Variants in H4C3 observed in about 807,000 individuals in gnomAD.
The protein encoded by H4C3 is H4 clustered histone 3, also known as histone H4.
A neutral mutation model predicts 5.3 loss-of-function variants in H4C3; 10 were observed. The observed-to-expected ratio is 1.87, with a 90% CI of 1.16 to 3.18. H4C3 has a LOEUF of 3.18. Among genes scored for constraint, H4C3 ranks in the 30% most tolerant of loss-of-function variants. The pLI, the probability that H4C3 is intolerant of heterozygous loss-of-function variation, is 0.00. For synonymous variants in H4C3, 133 were observed against 56.8 expected (o/e 2.34, Z -6.03); for missense variants, 191 against 152.5 (o/e 1.25, Z -1.33).
In H4C3 at chr6:26,104,005, C is replaced by T. The variant is rs373426362; in HGVS notation, c.58C>T (p.Arg20Cys). ...GLGKGGAKRH[R>C]KVLRDNIQGI... The stretch of plus-strand genomic sequence containing the variant: ...GGGGAAGGGTGGTGCTAAGCGCCAT[C>T]GTAAGGTGCTCCGGGATAACATCCA... The change falls in exon 1 of 1, where the codon CGT becomes TGT. Residue 20 changes from arginine (R) to cysteine (C), a missense_variant. Physicochemically the swap from Arg to Cys is radical, Grantham distance 180 (BLOSUM62 -3). Transcript: ENST00000377803. 2.5e-6 allele frequency: 4 copies of T among 1,614,162 alleles called. No individual in the cohort carries two copies. Among genetic ancestry groups the T allele is most frequent in the South Asian group, 1.1e-5 (1 of 91,084 alleles).
At position 26,103,984 on chromosome 6, in the gene H4C3, A is replaced by T. The variant is rs1203029659; in HGVS notation, c.37A>T (p.Lys13Ter). 2 of 1,612,380 alleles carry T rather than the reference A, an allele frequency of 1.2e-6. No individual in the cohort carries two copies. The highest frequency in any genetic ancestry group is 1.7e-5 in the Admixed American group (1 of 59,966). The change falls in exon 1 of 1, where the codon AAG (lysine) becomes TAG (stop). Residue 13 changes from lysine to a stop codon, truncating the protein, a stop_gained. Coordinates refer to ENST00000377803, the MANE Select transcript of H4C3 (RefSeq NM_003542.4). LOFTEE classifies it high-confidence loss of function. ...CGGCAAAGGCGGAAAAGGCTTGGGGAAGGGTGGTGCTAAGCGCCATCGTAA... is the reference window on the plus strand; with the variant it reads ...CGGCAAAGGCGGAAAAGGCTTGGGGTAGGGTGGTGCTAAGCGCCATCGTAA... ...GRGKGGKGLG[K>*]GGAKRHRKVL...
At position 26,103,989 on chromosome 6, in the gene H4C3, T is replaced by G. The variant is rs147057053; in HGVS notation, c.42T>G (p.Gly14=). Residue 14 remains glycine (G), a synonymous_variant, in exon 1 of 1, where the codon GGT becomes GGG. Coordinates refer to ENST00000377803, the MANE Select transcript of H4C3 (RefSeq NM_003542.4). ...RGKGGKGLGK[G]GAKRHRKVLR... Reference sequence around the variant, plus strand: ...AAGGCGGAAAAGGCTTGGGGAAGGGTGGTGCTAAGCGCCATCGTAAGGTGC... The same window carrying G: ...AAGGCGGAAAAGGCTTGGGGAAGGGGGGTGCTAAGCGCCATCGTAAGGTGC... The G allele has an allele frequency of 2.5e-6, 4 of 1,612,886 alleles. No homozygotes were observed. Among genetic ancestry groups the G allele is most frequent in the Non-Finnish European group, 3.4e-6 (4 of 1,179,172 alleles).
chr6:26,104,146 A>C lies in H4C3; in HGVS notation c.199A>C (p.Ile67Leu). ...GVLKVFLENV[I>L]RDAVTYTEHA... ...GCTTAAGGTTTTCTTAGAGAACGTT[A>C]TTCGAGACGCCGTCACCTATACGGA... is the stretch of plus-strand genomic sequence containing the variant. The change falls in exon 1 of 1, where the codon ATT becomes CTT. Residue 67 changes from isoleucine (I) to leucine (L), a missense_variant. Transcript: ENST00000377803. 6.2e-7 allele frequency: 1 copy of C among 1,614,176 alleles called. No individual in the cohort carries two copies. The highest frequency in any genetic ancestry group is 8.5e-7 in the Non-Finnish European group (1 of 1,180,036).
In H4C3 at chr6:26,104,271, C is replaced by T. The variant is rs1237483831; in HGVS notation, c.*12C>T. 4.4e-6 allele frequency: 7 copies of T among 1,578,848 alleles called. No individual in the cohort carries two copies. Among genetic ancestry groups the T allele is most frequent in the South Asian group, 2.3e-5 (2 of 87,748 alleles). ...GCTTCGGCGGCTGAATCTAAGAATA[C>T]GCGGTCTCCTGAGAACTTCAAAAAA... is the stretch of plus-strand genomic sequence containing the variant. On this transcript the variant is annotated 3_prime_UTR_variant, in exon 1 of 1. Transcript: ENST00000377803.
rs1763199609 is a variant in H4C3, at chr6:26,104,211, AT to A, written c.265del (p.Tyr89MetfsTer3). On this transcript the variant is annotated frameshift_variant, in exon 1 of 1. Coordinates refer to ENST00000377803, the MANE Select transcript of H4C3 (RefSeq NM_003542.4). LOFTEE classifies it high-confidence loss of function. ...AAACTGTCACAGCCATGGATGTAGT[AT>A]ATGCCCTAAAACGTCAGGGGCGCAC... ...RKTVTAMDVV[Y>X]ALKRQGRTLY... The A allele has an allele frequency of 6.2e-7, 1 of 1,612,610 alleles. No individual in the cohort carries two copies. The highest frequency in any genetic ancestry group is 1.1e-5 in the South Asian group (1 of 91,074).
chr6:26,104,229 G>C lies in H4C3; in HGVS notation c.282G>C (p.Gln94His). Residue 94 changes from glutamine to histidine, a missense_variant, in exon 1 of 1, where the codon CAG becomes CAC. Coordinates refer to ENST00000377803, the MANE Select transcript of H4C3 (RefSeq NM_003542.4). The stretch of plus-strand genomic sequence containing the variant: ...ATGTAGTATATGCCCTAAAACGTCA[G>C]GGGCGCACTCTGTATGGCTTCGGCG... The part of the protein sequence containing the change: ...AMDVVYALKR[Q>H]GRTLYGFGG 6.2e-7 allele frequency: 1 copy of C among 1,607,628 alleles called. No individual in the cohort carries two copies. Among genetic ancestry groups the C allele is most frequent in the Non-Finnish European group, 8.5e-7 (1 of 1,174,490 alleles).
Position 26,103,974 on chromosome 6 carries a change from A to G in H4C3, c.27A>G (p.Lys9=), listed in dbSNP as rs750016056. The G allele has an allele frequency of 5.5e-5, 88 of 1,608,980 alleles. 1 individual carries two copies. Among genetic ancestry groups the G allele is most frequent in the Non-Finnish European group, 7.4e-5 (87 of 1,175,968 alleles). Residue 9 remains lysine (K), a synonymous_variant, in exon 1 of 1, where the codon AAA becomes AAG. Transcript: ENST00000377803. MSGRGKGG[K]GLGKGGAKRH... Reference sequence around the variant, plus strand: ...TGTCTGGTCGCGGCAAAGGCGGAAAAGGCTTGGGGAAGGGTGGTGCTAAGC... The same window carrying G: ...TGTCTGGTCGCGGCAAAGGCGGAAAGGGCTTGGGGAAGGGTGGTGCTAAGC...
chr6:26,104,294 A>C lies in H4C3; in HGVS notation c.*35A>C. ...TACGCGGTCTCCTGAGAACTTCAAA[A>C]AACAAAAACAAAAAAACCCAAAGGC... On this transcript the variant is annotated 3_prime_UTR_variant, in exon 1 of 1. Coordinates refer to ENST00000377803, the MANE Select transcript of H4C3 (RefSeq NM_003542.4). 2 of 1,528,928 alleles carry C rather than the reference A, an allele frequency of 1.3e-6. No homozygotes were observed. Among genetic ancestry groups the C allele is most frequent in the South Asian group, 2.6e-5 (2 of 78,156 alleles). The allele number at this position is 1,528,928 out of a possible 1,614,324, so 94.7% of individuals were successfully genotyped here.
rs772431822 is a variant in H4C3, at chr6:26,104,070, C to T, written c.123C>T (p.Arg41=). ...CGGCTATTCGCCGTTTGGCTCGGCG[C>T]GGTGGCGTCAAGCGCATTTCCGGTC... ...TKPAIRRLAR[R]GGVKRISGLI... is the part of the protein sequence containing the mutation. Residue 41 remains arginine (R), a synonymous_variant, in exon 1 of 1, where the codon CGC becomes CGT. Transcript: ENST00000377803. 2 of 1,614,180 alleles carry T rather than the reference C, an allele frequency of 1.2e-6. No individual in the cohort carries two copies. Among genetic ancestry groups the T allele is most frequent in the Non-Finnish European group, 8.5e-7 (1 of 1,180,048 alleles).
At position 26,104,149 on chromosome 6, in the gene H4C3, C is replaced by G. The variant is rs755011404; in HGVS notation, c.202C>G (p.Arg68Gly). The G allele has an allele frequency of 6.2e-7, 1 of 1,614,048 alleles. No homozygotes were observed. The highest frequency in any genetic ancestry group is 8.5e-7 in the Non-Finnish European group (1 of 1,179,996). ...TAAGGTTTTCTTAGAGAACGTTATTCGAGACGCCGTCACCTATACGGAGCA... is the reference window on the plus strand; with the variant it reads ...TAAGGTTTTCTTAGAGAACGTTATTGGAGACGCCGTCACCTATACGGAGCA... ...VLKVFLENVI[R>G]DAVTYTEHAK... The change falls in exon 1 of 1, where the codon CGA becomes GGA. Residue 68 changes from arginine (R) to glycine (G), a missense_variant. By Grantham distance (125) the Arg-to-Gly change is moderately radical. Coordinates refer to ENST00000377803, the MANE Select transcript of H4C3 (RefSeq NM_003542.4).
Position 26,103,995 on chromosome 6 carries a change from T to G in H4C3, c.48T>G (p.Ala16=). The G allele has an allele frequency of 6.2e-7, 1 of 1,613,956 alleles. No individual in the cohort carries two copies. Among genetic ancestry groups the G allele is most frequent in the Non-Finnish European group, 8.5e-7 (1 of 1,179,850 alleles). ...KGGKGLGKGG[A]KRHRKVLRDN... ...GAAAAGGCTTGGGGAAGGGTGGTGCTAAGCGCCATCGTAAGGTGCTCCGGG... is the reference window on the plus strand; with the variant it reads ...GAAAAGGCTTGGGGAAGGGTGGTGCGAAGCGCCATCGTAAGGTGCTCCGGG... The change falls in exon 1 of 1, where the codon GCT becomes GCG. Residue 16 remains alanine (A), a synonymous_variant. Transcript: ENST00000377803.
Position 26,104,267 on chromosome 6 carries a change from A to G in H4C3, c.*8A>G, listed in dbSNP as rs199622849. Reference sequence around the variant, plus strand: ...TATGGCTTCGGCGGCTGAATCTAAGAATACGCGGTCTCCTGAGAACTTCAA... The same window carrying G: ...TATGGCTTCGGCGGCTGAATCTAAGGATACGCGGTCTCCTGAGAACTTCAA... On this transcript the variant is annotated 3_prime_UTR_variant, in exon 1 of 1. Transcript: ENST00000377803. 2 of 1,582,218 alleles carry G rather than the reference A, an allele frequency of 1.3e-6. No homozygotes were observed. Among genetic ancestry groups the G allele is most frequent in the Non-Finnish European group, 1.7e-6 (2 of 1,160,358 alleles).
chr6:26,103,975 G>T lies in H4C3; in HGVS notation c.28G>T (p.Gly10Cys), dbSNP rs760373858. 1 of 1,611,668 alleles carries T rather than the reference G, an allele frequency of 6.2e-7. No homozygotes were observed. Among genetic ancestry groups the T allele is most frequent in the Non-Finnish European group, 8.5e-7 (1 of 1,177,954 alleles). The change falls in exon 1 of 1, where the codon GGC becomes TGC. Residue 10 changes from glycine (G) to cysteine (C), a missense_variant. By Grantham distance (159) the Gly-to-Cys change is radical. Coordinates refer to ENST00000377803, the MANE Select transcript of H4C3 (RefSeq NM_003542.4). MSGRGKGGK[G>C]LGKGGAKRHR... ...GTCTGGTCGCGGCAAAGGCGGAAAA[G>T]GCTTGGGGAAGGGTGGTGCTAAGCG...
In H4C3 at chr6:26,104,018, G is replaced by A. The variant is rs1285215160; in HGVS notation, c.71G>A (p.Arg24Gln). The A allele has an allele frequency of 3.7e-6, 6 of 1,614,146 alleles. No individual in the cohort carries two copies. Among genetic ancestry groups the A allele is most frequent in the Non-Finnish European group, 5.1e-6 (6 of 1,179,994 alleles). ...GCTAAGCGCCATCGTAAGGTGCTCC[G>A]GGATAACATCCAGGGCATTACAAAA... ...GGAKRHRKVL[R>Q]DNIQGITKPA... The change falls in exon 1 of 1, where the codon CGG (arginine) becomes CAG (glutamine). Residue 24 changes from arginine (R) to glutamine (Q), a missense_variant. Physicochemically the swap from Arg to Gln is conservative, Grantham distance 43 (BLOSUM62 1). Coordinates refer to ENST00000377803, the MANE Select transcript of H4C3 (RefSeq NM_003542.4).
rs1301363586 is a variant in H4C3, at chr6:26,104,268, A to G, written c.*9A>G. The G allele has an allele frequency of 1.3e-6, 2 of 1,582,180 alleles. No homozygotes were observed. Among genetic ancestry groups the G allele is most frequent in the East Asian group, 2.3e-5 (1 of 44,264 alleles). Reference sequence around the variant, plus strand: ...ATGGCTTCGGCGGCTGAATCTAAGAATACGCGGTCTCCTGAGAACTTCAAA... The same window carrying G: ...ATGGCTTCGGCGGCTGAATCTAAGAGTACGCGGTCTCCTGAGAACTTCAAA... On this transcript the variant is annotated 3_prime_UTR_variant, in exon 1 of 1. Coordinates refer to ENST00000377803, the MANE Select transcript of H4C3 (RefSeq NM_003542.4).
rs749828287 is a variant in H4C3 at position 26,104,017 on chromosome 6, C to A, written c.70C>A (p.Arg24=). ...GGAKRHRKVL[R]DNIQGITKPA... is the part of the protein sequence containing the mutation. ...TGCTAAGCGCCATCGTAAGGTGCTC[C>A]GGGATAACATCCAGGGCATTACAAA... The change falls in exon 1 of 1, where the codon CGG becomes AGG. Residue 24 remains arginine, a synonymous_variant. Transcript: ENST00000377803. The A allele has an allele frequency of 2.5e-6, 4 of 1,614,008 alleles. No individual in the cohort carries two copies. Among genetic ancestry groups the A allele is most frequent in the African/African-American group, 2.7e-5 (2 of 74,908 alleles).
Position 26,104,302 on chromosome 6 carries a change from A to AT in H4C3, c.*43_*44insT. ...CTCCTGAGAACTTCAAAAAACAAAA[A>AT]CAAAAAAACCCAAAGGCCCTTTTCA... On this transcript the variant is annotated 3_prime_UTR_variant, in exon 1 of 1. Transcript: ENST00000377803. 1 of 1,523,600 alleles carries AT rather than the reference A, an allele frequency of 6.6e-7. No homozygotes were observed. Among genetic ancestry groups the AT allele is most frequent in the Non-Finnish European group, 8.8e-7 (1 of 1,133,826 alleles). 94.4% of individuals were successfully genotyped at this position (1,523,600 alleles called of 1,614,324 possible).
At position 26,104,112 on chromosome 6, in the gene H4C3, T is replaced by C. The variant is rs1326871754; in HGVS notation, c.165T>C (p.Thr55=). The part of the protein sequence containing the change: ...KRISGLIYEE[T]RGVLKVFLEN... ...TTTCCGGTCTTATCTATGAGGAGAC[T>C]CGAGGTGTGCTTAAGGTTTTCTTAG... Residue 55 remains threonine (T), a synonymous_variant, in exon 1 of 1, where the codon ACT becomes ACC. Transcript: ENST00000377803. The C allele has an allele frequency of 6.2e-7, 1 of 1,614,132 alleles. No homozygotes were observed. Among genetic ancestry groups the C allele is most frequent in the Non-Finnish European group, 8.5e-7 (1 of 1,180,024 alleles).
chr6:26,104,218 C>T lies in H4C3; in HGVS notation c.271C>T (p.Leu91=), dbSNP rs61735681. The stretch of plus-strand genomic sequence containing the variant: ...CACAGCCATGGATGTAGTATATGCC[C>T]TAAAACGTCAGGGGCGCACTCTGTA... ...TVTAMDVVYA[L]KRQGRTLYGF... The change falls in exon 1 of 1, where the codon CTA becomes TTA. Residue 91 remains leucine, a synonymous_variant. Transcript: ENST00000377803. 1,863 of 1,611,346 alleles carry T rather than the reference C, an allele frequency of 1.2e-3. 14 individuals carry two copies. The African/African-American group carries it at 0.015, about 13-fold the overall frequency.
Sources: gnomAD v4.1 joint callset for allele counts on GRCh38, gnomAD v4.1.1 for gene constraint, MANE v1.5 for transcripts, NCBI Gene and HGNC (gene_info 2026-07-23, HGNC 2026-07-21) for gene names.